The following PIP5K1C variants were observed in gnomAD, a reference collection of about 807,000 sequenced individuals.
PIP5K1C encodes phosphatidylinositol-4-phosphate 5-kinase type 1 gamma.
A neutral mutation model predicts 80.1 loss-of-function variants in PIP5K1C; 45 were observed. That is an observed-to-expected ratio of 0.56 (90% CI 0.44 to 0.72). PIP5K1C has a LOEUF of 0.72. Among genes scored for constraint, PIP5K1C ranks in the 30% least tolerant of loss-of-function variants. The probability of loss-of-function intolerance (pLI) is 0.00; values close to 1 mark genes in which losing one functional copy is unlikely to be tolerated. For synonymous variants in PIP5K1C, 498 were observed against 420.1 expected (o/e 1.19, Z -2.27); for missense variants, 753 against 954.6 (o/e 0.79, Z 2.78).
chr19:3,659,666 C>T (rs2034762785), intron 5 of PIP5K1C, among the ~76,000 whole-genome samples: 1 of 152,094 alleles, frequency 6.6e-6, no homozygotes, highest in African/African-American at 2.4e-5. Context: ...CTTGGCGACA[C>T]GACCCGGAGC....
At position 3,630,601 on chromosome 19, in the gene PIP5K1C, G is replaced by A. The variant is rs1257930964; in HGVS notation, c.*2566C>T. The A allele has an allele frequency of 6.6e-6, 1 of 152,610 alleles. No homozygotes were observed. The highest frequency in any genetic ancestry group is 1.5e-5 in the Non-Finnish European group (1 of 68,052). 9.5% of individuals were successfully genotyped at this position (152,610 alleles called of 1,614,324 possible). Reference sequence around the variant, plus strand: ...ATGGTGAAGGACCCCATGGCAATGGGAGTATTGCACTGAGCCAGGTTTCGG... The same window carrying A: ...ATGGTGAAGGACCCCATGGCAATGGAAGTATTGCACTGAGCCAGGTTTCGG... On this transcript the variant is annotated 3_prime_UTR_variant, in exon 18 of 18. Coordinates refer to ENST00000335312, the MANE Select transcript of PIP5K1C (RefSeq NM_012398.3).
intron 11 of PIP5K1C, among the ~76,000 whole-genome samples, chr19:3,644,748 G>T (rs2034141056): frequency 2.0e-5 from 3 of 152,322 alleles, no homozygotes; most frequent in Admixed American, 1.3e-4. Context: ...GGGCCCTGGG[G>T]GCCGACCTTA....
At position 3,661,896 on chromosome 19, in the gene PIP5K1C, C is replaced by T. The variant is rs372396783; in HGVS notation, c.325G>A (p.Val109Met). 1.7e-5 allele frequency: 27 copies of T among 1,612,824 alleles called. No individual in the cohort carries two copies. The highest frequency in any genetic ancestry group is 8.0e-5 in the African/African-American group (6 of 75,062). The part of the protein sequence containing the change: ...ERDVLMQDFY[V>M]VESIFFPSEG... ...CTGGGGAAGAAGATGCTCTCCACCA[C>T]GTAGAAGTCCTGCATGAGCACGTCG... is the stretch of plus-strand genomic sequence containing the variant. The change falls in exon 4 of 18, where the codon GTG becomes ATG. Residue 109 changes from valine (V) to methionine (M), a missense_variant. Coordinates refer to ENST00000335312, the MANE Select transcript of PIP5K1C (RefSeq NM_012398.3).
At chr19:3,695,554 C>T (rs564059032) in intron 1 of PIP5K1C, among the ~76,000 whole-genome samples, 107 of 152,270 alleles carry the variant, frequency 7.0e-4, no homozygotes, top group African/African-American at 2.4e-3. Flanking sequence ...CCAGGAGGGC[C>T]GGCCCCCGAG....
rs146996459 is a variant in PIP5K1C, at chr19:3,642,798, C to T, written c.1682+109G>A. On this transcript the variant is annotated intron_variant, in intron 14 of 17. Coordinates refer to ENST00000335312, the MANE Select transcript of PIP5K1C (RefSeq NM_012398.3). ...GAGTGCTACAATCTTAAATCTGTCCCCAGGAGAGAATGGGCAGAGAGCAGA... is the reference window on the plus strand; with the variant it reads ...GAGTGCTACAATCTTAAATCTGTCCTCAGGAGAGAATGGGCAGAGAGCAGA... 3.3e-4 allele frequency: 291 copies of T among 879,858 alleles called. 3 individuals carry two copies. In the Middle Eastern group the frequency reaches 6.5e-3, roughly 20 times the overall value. The allele number at this position is 879,858 out of a possible 1,614,324, so 54.5% of individuals were successfully genotyped here.
At chr19:3,699,391 A>T (rs189506162) in intron 1 of PIP5K1C, among the ~76,000 whole-genome samples, 29 of 151,372 alleles carry the variant, frequency 1.9e-4, no homozygotes, top group African/African-American at 7.0e-4. Flanking sequence ...CATCTCCCCA[A>T]CTCCCAGGCA....
At chr19:3,685,145 C>T (rs568266444) in intron 1 of PIP5K1C, among the ~76,000 whole-genome samples, 91 of 152,306 alleles carry the variant, frequency 6.0e-4, no homozygotes, top group Admixed American at 1.0e-3. Context: ...TGATAAAAGA[C>T]ATGATATGAA....
At chr19:3,635,099 G>A (rs2033626085) in intron 16 of PIP5K1C, among the ~76,000 whole-genome samples, 2 of 152,216 alleles carry the variant, frequency 1.3e-5, no homozygotes, top group Admixed American at 1.3e-4. Flanking sequence ...GAAAATGTGG[G>A]GCCAAAACAG....
chr19:3,642,769 G>T (rs1398401937), intron 14 of PIP5K1C, 138 bp downstream of exon 14: 4 of 761,914 alleles, frequency 5.2e-6, no homozygotes. Flanking sequence ...GCGGTGCTAG[G>T]GCCGAGTGCT....
intron 1 of PIP5K1C, among the ~76,000 whole-genome samples, chr19:3,698,166 G>A (rs563014243): frequency 6.6e-6 from 1 of 152,246 alleles, no homozygotes; most frequent in Non-Finnish European, 1.5e-5. Context: ...CCACGGGCAT[G>A]GGCCTCAGCA....
chr19:3,635,620 T>A (rs745632060), intron 16 of PIP5K1C, among the ~76,000 whole-genome samples: 4 of 147,014 alleles, frequency 2.7e-5, no homozygotes, highest in Non-Finnish European at 6.0e-5. Flanking sequence ...AGGCCAGAGG[T>A]TGCAGTGAGC....
rs537479770 is a variant in PIP5K1C, at chr19:3,692,396, C to A, written c.94+7901G>T. ...GCAGCTCGGCCATGCTGGGCCCCGG[C>A]GGCCCCCATGCTGCCCTTCCTGCAT... On this transcript the variant is annotated intron_variant, in intron 1 of 17. Coordinates refer to ENST00000335312, the MANE Select transcript of PIP5K1C (RefSeq NM_012398.3). This position sits in a 1 kb window ranked among gnomAD's most constrained non-coding sequence, Gnocchi z 5.2. Among the ~76,000 whole-genome samples, 1 of 152,190 alleles carries A rather than the reference C, an allele frequency of 6.6e-6. No homozygotes were observed. The highest frequency in any genetic ancestry group is 6.5e-5 in the Admixed American group (1 of 15,286).
At chr19:3,671,223 T>A (rs2035196177) in intron 1 of PIP5K1C, among the ~76,000 whole-genome samples, 1 of 152,166 alleles carries the variant, frequency 6.6e-6, no homozygotes, top group Non-Finnish European at 1.5e-5. Context: ...CACACCCACT[T>A]GGGTGACTCA....
chr19:3,669,123 G>A (rs1265079419), intron 1 of PIP5K1C, among the ~76,000 whole-genome samples: 1 of 152,200 alleles, frequency 6.6e-6, no homozygotes, highest in Non-Finnish European at 1.5e-5. Context: ...AGAGGCTGAG[G>A]GTTGGGGAAG....
chr19:3,665,224 C>T (rs1187258098), intron 2 of PIP5K1C, among the ~76,000 whole-genome samples: 1 of 152,194 alleles, frequency 6.6e-6, no homozygotes, highest in East Asian at 1.9e-4. Context: ...CCAGGGTCTC[C>T]CCCAGGTGCT....
intron 8 of PIP5K1C, 85 bp downstream of exon 8, chr19:3,651,741 G>A (rs1297967319): frequency 1.7e-5 from 24 of 1,381,976 alleles, no homozygotes; most frequent in Non-Finnish European, 2.3e-5. Context: ...CTCCCTGCCT[G>A]TTTTCACACT....
rs562113417 is a variant in PIP5K1C, at chr19:3,685,620, C to T, written c.94+14677G>A. ...TGGCGGGCGCCTGTAGTCCCAGCTA[C>T]TCGGGAGGCTGAGGCAGGAGAATGG... On this transcript the variant is annotated intron_variant, in intron 1 of 17. Transcript: ENST00000335312. Among the ~76,000 whole-genome samples the T allele has an allele frequency of 6.0e-3, 909 of 151,946 alleles. 12 individuals are homozygous for T. The highest frequency in any genetic ancestry group is 0.021 in the African/African-American group (854 of 41,426).
chr19:3,671,088 G>A (rs929273548), intron 1 of PIP5K1C, among the ~76,000 whole-genome samples: 30 of 152,306 alleles, frequency 2.0e-4, no homozygotes, highest in Non-Finnish European at 3.2e-4. Flanking sequence ...GGAAGCCAGC[G>A]GTGGGCCGGG....
chr19:3,683,608 T>C (rs999192501), intron 1 of PIP5K1C, among the ~76,000 whole-genome samples: 20 of 152,194 alleles, frequency 1.3e-4, no homozygotes, highest in African/African-American at 4.8e-4. Flanking sequence ...AGAGGTCAGA[T>C]CGCTTGCCTG....
Sources: gnomAD v4.1 joint callset for allele counts (sites outside exome capture counted in the v4.1 genomes callset) on GRCh38, gnomAD v4.1.1 for gene constraint, Gnocchi (gnomAD v3.1) non-coding constraint, MANE v1.5 for transcripts, NCBI Gene and HGNC (gene_info 2026-07-23, HGNC 2026-07-21) for gene names.